Variants in MYO1E observed in about 807,000 individuals in gnomAD.
The protein encoded by MYO1E is unconventional myosin-Ie.
In MYO1E, 68 loss-of-function variants were observed where a neutral mutation model predicts 151.1. That is an observed-to-expected ratio of 0.45 (90% CI 0.37 to 0.55). MYO1E has a LOEUF of 0.55. MYO1E is among the 20% of genes least tolerant of loss of function. The pLI is 0.00. For synonymous variants in MYO1E, 601 were observed against 501.7 expected (o/e 1.20, Z -2.64); for missense variants, 1,363 against 1,389.3 (o/e 0.98, Z 0.30).
chr15:59,154,730 G>T (rs1243148652), intron 25 of MYO1E, among the ~76,000 whole-genome samples: 4 of 152,204 alleles, frequency 2.6e-5, no homozygotes, highest in African/African-American at 9.6e-5. Flanking sequence ...ATCTTTCATA[G>T]TCTCAGTTCT....
chr15:59,188,271 G>C, intron 17 of MYO1E, 55 bp from the exon 18 acceptor site: 1 of 1,429,372 alleles, frequency 7.0e-7, no homozygotes, highest in Non-Finnish European at 9.9e-7. Flanking sequence ...TTTCACTCGT[G>C]TTCTTACCAG....
chr15:59,198,026 TAATTTTTGAAAAAA>T (rs533832310), intron 16 of MYO1E, among the ~76,000 whole-genome samples: 2 of 152,246 alleles, frequency 1.3e-5, no homozygotes, highest in South Asian at 4.1e-4. Flanking sequence ...CACACCCAGC[TAATTTTTGAAAAAA>T]AATTTTTGTA....
At position 59,133,982 on chromosome 15, in the gene MYO1E, TTC is replaced by T. The variant is rs1452588078; in HGVS notation, c.*3396_*3397del. The T allele has an allele frequency of 1.3e-5, 2 of 152,242 alleles. No homozygotes were observed. Among genetic ancestry groups the T allele is most frequent in the Non-Finnish European group, 2.9e-5 (2 of 68,064 alleles). The allele number at this position is 152,242 out of a possible 1,614,324, so 9.4% of individuals were successfully genotyped here. A position where few individuals can be genotyped will look rare whatever the true frequency, so the allele number is the denominator to read the frequency against. ...TAATTCATAAAGGCACATCCATATTTTCTCTTACTCATTTTTGTGAACACTTC... is the reference window on the plus strand; with the variant it reads ...TAATTCATAAAGGCACATCCATATTTTCTTACTCATTTTTGTGAACACTTC... On this transcript the variant is annotated 3_prime_UTR_variant, in exon 28 of 28. Coordinates refer to ENST00000288235, the MANE Select transcript of MYO1E (RefSeq NM_004998.4).
chr15:59,138,495 T>C (rs1174805223), intron 26 of MYO1E, 128 bp from the exon 27 acceptor site: 11 of 1,021,630 alleles, frequency 1.1e-5, no homozygotes, highest in Non-Finnish European at 1.6e-5. Flanking sequence ...TTAGAAGACA[T>C]GTGGCCCAGG....
intron 17 of MYO1E, among the ~76,000 whole-genome samples, chr15:59,192,227 T>C (rs961899881): frequency 1.3e-5 from 2 of 152,000 alleles, no homozygotes; most frequent in African/African-American, 4.8e-5. Context: ...ACTAATACCT[T>C]GAACTTCTTA....
intron 1 of MYO1E, among the ~76,000 whole-genome samples, chr15:59,289,246 G>A (rs1257186743): frequency 6.6e-6 from 1 of 152,110 alleles, no homozygotes; most frequent in Non-Finnish European, 1.5e-5. Flanking sequence ...TTTCTGGGAA[G>A]AAAAATAAGG....
At chr15:59,201,189 C>T (rs1285423635) in intron 16 of MYO1E, among the ~76,000 whole-genome samples, 1 of 151,526 alleles carries the variant, frequency 6.6e-6, no homozygotes, top group East Asian at 1.9e-4. Context: ...CTTTGACTTC[C>T]TTGACTAAAG....
At chr15:59,184,377 GAC>G (rs2079683107) in intron 18 of MYO1E, among the ~76,000 whole-genome samples, 1 of 151,514 alleles carries the variant, frequency 6.6e-6, no homozygotes, top group East Asian at 1.9e-4. Flanking sequence ...TTTTTTTTGA[GAC>G]ACAGTCTTGC....
intron 1 of MYO1E, among the ~76,000 whole-genome samples, chr15:59,295,313 A>G (rs2080442380): frequency 6.6e-6 from 1 of 152,072 alleles, no homozygotes; most frequent in Admixed American, 6.6e-5. Flanking sequence ...CGAGGGTAAC[A>G]ACATCGCTTG....
At chr15:59,256,016 A>G (rs1258717630) in intron 4 of MYO1E, among the ~76,000 whole-genome samples, 1 of 152,260 alleles carries the variant, frequency 6.6e-6, no homozygotes, top group African/African-American at 2.4e-5. Flanking sequence ...GGACCTACAG[A>G]AAAGGAATTC....
chr15:59,299,442 C>A lies in MYO1E; in HGVS notation c.4-26993G>T, dbSNP rs192686033. Among the ~76,000 whole-genome samples, 1,017 of 152,352 alleles carry A rather than the reference C, an allele frequency of 6.7e-3. 6 individuals are homozygous for A. The highest frequency in any genetic ancestry group is 0.023 in the African/African-American group (956 of 41,572). ...TATTTTTCATTTATTCAATCATTCA[C>A]TGATTCAATCATTTCACCTAGTCAA... On this transcript the variant is annotated intron_variant, in intron 1 of 27. Transcript: ENST00000288235.
chr15:59,215,693 C>CA (rs1489142999), intron 10 of MYO1E, among the ~76,000 whole-genome samples: 1 of 152,114 alleles, frequency 6.6e-6, no homozygotes, highest in Non-Finnish European at 1.5e-5. Context: ...TAATCATACA[C>CA]AACACACAGT....
At chr15:59,311,734 A>G (rs1243033066) in intron 1 of MYO1E, among the ~76,000 whole-genome samples, 4 of 152,176 alleles carry the variant, frequency 2.6e-5, no homozygotes, top group African/African-American at 7.2e-5. Context: ...ACAGTGCTGA[A>G]GGTAGAAAAA....
chr15:59,153,608 G>C lies in MYO1E; in HGVS notation c.3062C>G (p.Pro1021Arg). 2 of 1,614,112 alleles carry C rather than the reference G, an allele frequency of 1.2e-6. No homozygotes were observed. The highest frequency in any genetic ancestry group is 1.7e-6 in the Non-Finnish European group (2 of 1,180,002). Residue 1021 changes from proline to arginine, a missense_variant, in exon 26 of 28, where the codon CCG becomes CGG. By Grantham distance (103) the Pro-to-Arg change is moderately radical. Transcript: ENST00000288235. ...TPESLDFLKV[P>R]DQGAAGVRRQ... ...ATCTTACCCTGCAGCTCCCTGGTCC[G>C]GGACCTTGAGGAAATCCAGGCTCTC...
chr15:59,163,125 C>T (rs1354957342), intron 23 of MYO1E, 32 bp downstream of exon 23: 22 of 1,612,458 alleles, frequency 1.4e-5, no homozygotes, highest in Non-Finnish European at 1.4e-5. Flanking sequence ...TTTAGCTACA[C>T]GCAGAAGTCT....
chr15:59,327,541 C>T (rs1596419370), intron 1 of MYO1E, among the ~76,000 whole-genome samples: 1 of 152,052 alleles, frequency 6.6e-6, no homozygotes, highest in East Asian at 1.9e-4. Flanking sequence ...TCTCAAACTC[C>T]TGGCCTTAAG....
At chr15:59,176,276 G>A (rs867368234) in intron 19 of MYO1E, among the ~76,000 whole-genome samples, 4 of 152,048 alleles carry the variant, frequency 2.6e-5, no homozygotes, top group Non-Finnish European at 5.9e-5. Context: ...TAGCCAGGAT[G>A]GTCTTGATCT....
At chr15:59,201,687 A>G (rs1389075323) in intron 16 of MYO1E, among the ~76,000 whole-genome samples, 2 of 152,196 alleles carry the variant, frequency 1.3e-5, no homozygotes, top group Non-Finnish European at 2.9e-5. Context: ...TACAGGCGTG[A>G]GCCACCGCAC....
In MYO1E at chr15:59,214,371, T is replaced by G. The variant is rs2079900381; in HGVS notation, c.1189-57A>C. The G allele has an allele frequency of 3.1e-6, 4 of 1,307,164 alleles. No individual in the cohort carries two copies. In the Admixed American group the frequency reaches 6.9e-5, roughly 23 times the overall value. The allele number at this position is 1,307,164 out of a possible 1,614,324, so 81.0% of individuals were successfully genotyped here. On this transcript the variant is annotated intron_variant, in intron 11 of 27. Transcript: ENST00000288235. ...TTTCACAAAATCATTTAAAAGTCAT[T>G]TCTGGAGTGATTTATTGAAATGTCT...
Sources: gnomAD v4.1 joint callset for allele counts (sites outside exome capture counted in the v4.1 genomes callset) on GRCh38, gnomAD v4.1.1 for gene constraint, MANE v1.5 for transcripts, NCBI Gene and HGNC (gene_info 2026-07-23, HGNC 2026-07-21) for gene names.